Variants in KCNQ1 observed in about 807,000 individuals in gnomAD.
The protein encoded by KCNQ1 is potassium voltage-gated channel subfamily KQT member 1.
A neutral mutation model predicts 72.4 loss-of-function variants in KCNQ1; 49 were observed. That is an observed-to-expected ratio of 0.68 (90% CI 0.54 to 0.86). KCNQ1 has a LOEUF of 0.86. Ranked by LOEUF, KCNQ1 falls within the 40% of genes least tolerant of loss-of-function variation. The pLI is 0.00. For synonymous variants in KCNQ1, 450 were observed against 412.6 expected (o/e 1.09, Z -1.10); for missense variants, 790 against 945.1 (o/e 0.84, Z 2.15).
rs760496174 is a variant in KCNQ1 at position 2,445,424 on chromosome 11, G to T, written c.326G>T (p.Arg109Leu). 3 of 1,597,730 alleles carry T rather than the reference G, an allele frequency of 1.9e-6. No homozygotes were observed. The highest frequency in any genetic ancestry group is 2.5e-6 in the Non-Finnish European group (3 of 1,179,724). The change falls in exon 1 of 16, where the codon CGC becomes CTC. Residue 109 changes from arginine to leucine, a missense_variant. This residue lies in a region of KCNQ1 where 294 missense variants were observed against 323.3 expected (regional missense o/e 0.91). Transcript: ENST00000155840. ...TTGGCGCGCACCCACGTCCAGGGCC[G>T]CGTCTACAACTTCCTCGAGCGTCCC... The part of the protein sequence containing the change: ...PVLARTHVQG[R>L]VYNFLERPTG...
At chr11:2,557,206 C>T (rs923057971) in intron 2 of KCNQ1, among the ~76,000 whole-genome samples, 1 of 152,060 alleles carries the variant, frequency 6.6e-6, no homozygotes, top group Non-Finnish European at 1.5e-5. Context: ...ACACTGAAGC[C>T]CAAACAAGAC....
rs1428274081 is a variant in KCNQ1 at position 2,595,560 on chromosome 11, C to T, written c.1393+6706C>T. ...GAAGCAACAAAGCCCGATGACAGTA[C>T]ATCTGTTGACAACATGGTTTACTGA... On this transcript the variant is annotated intron_variant, in intron 10 of 15. Coordinates refer to ENST00000155840, the MANE Select transcript of KCNQ1 (RefSeq NM_000218.3). This position sits in a 1 kb window ranked among gnomAD's most constrained non-coding sequence, Gnocchi z 5.0. Among the ~76,000 whole-genome samples, 4 of 152,172 alleles carry T rather than the reference C, an allele frequency of 2.6e-5. No homozygotes were observed. Among genetic ancestry groups the T allele is most frequent in the Non-Finnish European group, 4.4e-5 (3 of 68,030 alleles).
At chr11:2,838,900 G>A (rs893563502) in intron 15 of KCNQ1, among the ~76,000 whole-genome samples, 2 of 152,142 alleles carry the variant, frequency 1.3e-5, no homozygotes, top group African/African-American at 2.4e-5. Context: ...TGGGGCCTGT[G>A]CCCACCGCCA....
rs1846886371 is a variant in KCNQ1, at chr11:2,494,959, C to T, written c.387-32969C>T. Among the ~76,000 whole-genome samples, 3 of 152,208 alleles carry T rather than the reference C, an allele frequency of 2.0e-5. No homozygotes were observed. The highest frequency in any genetic ancestry group is 1.9e-4 in the East Asian group (1 of 5,188). ...CTCTGGTAGAATTTGGGTGTGAATC[C>T]GTCTGGTCCTGGGCTTTTTTTGGTT... is the stretch of plus-strand genomic sequence containing the variant. On this transcript the variant is annotated intron_variant, in intron 1 of 15. Coordinates refer to ENST00000155840, the MANE Select transcript of KCNQ1 (RefSeq NM_000218.3). The surrounding 1 kb of genome is among the most constrained non-coding windows in gnomAD (Gnocchi z 4.6).
At chr11:2,521,074 C>T (rs1341615293) in intron 1 of KCNQ1, among the ~76,000 whole-genome samples, 3 of 152,022 alleles carry the variant, frequency 2.0e-5, no homozygotes, top group Non-Finnish European at 2.9e-5. Context: ...ATAAAATACA[C>T]ATAACACACA....
chr11:2,530,730 T>C (rs1408432977), intron 2 of KCNQ1, among the ~76,000 whole-genome samples: 1 of 152,218 alleles, frequency 6.6e-6, no homozygotes, highest in East Asian at 1.9e-4. Context: ...TCTGAGCGTG[T>C]ACATGTGTGA....
chr11:2,817,211 T>C lies in KCNQ1; in HGVS notation c.1795-30556T>C, dbSNP rs1847633138. Among the ~76,000 whole-genome samples the C allele has an allele frequency of 6.6e-6, 1 of 152,260 alleles. No homozygotes were observed. The highest frequency in any genetic ancestry group is 2.4e-5 in the African/African-American group (1 of 41,470). On this transcript the variant is annotated intron_variant, in intron 15 of 15. Coordinates refer to ENST00000155840, the MANE Select transcript of KCNQ1 (RefSeq NM_000218.3). The surrounding 1 kb of genome is among the most constrained non-coding windows in gnomAD (Gnocchi z 6.1). ...AAGCTCCTCACGGCACCAGTGCGCT[T>C]GCCTTTGACATGAAAATGTTTTTGC...
chr11:2,635,486 G>A (rs1849448762), intron 10 of KCNQ1: 1 of 152,164 alleles, frequency 6.6e-6, no homozygotes, highest in African/African-American at 2.4e-5. Context: ...AAGATCAGAT[G>A]ATTGTAGATG....
chr11:2,759,977 G>A lies in KCNQ1; in HGVS notation c.1515-8867G>A, dbSNP rs1249684199. ...GGAGGCCAGGCCGCTGAGCTGCTGG[G>A]AATCTGTTCCACAGGTGGGAAGGTC... On this transcript the variant is annotated intron_variant, in intron 11 of 15. Transcript: ENST00000155840. This position sits in a 1 kb window ranked among gnomAD's most constrained non-coding sequence, Gnocchi z 4.4. 5.3e-5 allele frequency among the ~76,000 whole-genome samples: 8 copies of A among 152,224 alleles called. No homozygotes were observed. The highest frequency in any genetic ancestry group is 9.7e-5 in the African/African-American group (4 of 41,446).
intron 15 of KCNQ1, among the ~76,000 whole-genome samples, chr11:2,792,115 C>T (rs61869763): frequency 0.077 from 11,789 of 152,238 alleles, 619 homozygotes; most frequent in East Asian, 0.18. Flanking sequence ...CATGCCTTCC[C>T]GGGTCCCTCC....
At chr11:2,694,047 G>A in intron 11 of KCNQ1, 1 of 398,716 alleles carries the variant, frequency 2.5e-6, no homozygotes, top group East Asian at 3.6e-5. Context: ...GCCATAGATG[G>A]CTGAGGGACG....
In KCNQ1 at chr11:2,595,514, A is replaced by C. The variant is rs1589973047; in HGVS notation, c.1393+6660A>C. Among the ~76,000 whole-genome samples the C allele has an allele frequency of 6.6e-6, 1 of 152,188 alleles. No homozygotes were observed. Among genetic ancestry groups the C allele is most frequent in the East Asian group, 1.9e-4 (1 of 5,168 alleles). The stretch of plus-strand genomic sequence containing the variant: ...GGCCCTTAAGAATTATGCTAAATCT[A>C]CTCTGCTTATGCTCTATAATGAAGC... On this transcript the variant is annotated intron_variant, in intron 10 of 15. Transcript: ENST00000155840. The surrounding 1 kb of genome is among the most constrained non-coding windows in gnomAD (Gnocchi z 5.0).
intron 10 of KCNQ1, chr11:2,630,121 T>A (rs1033449757): frequency 3.0e-5 from 12 of 398,264 alleles, no homozygotes; most frequent in Non-Finnish European, 4.4e-5. Flanking sequence ...ATAGTTTTTA[T>A]CATGGAAGGA....
intron 2 of KCNQ1, among the ~76,000 whole-genome samples, chr11:2,555,426 G>A (rs912776067): frequency 3.3e-5 from 5 of 152,334 alleles, no homozygotes; most frequent in Admixed American, 2.6e-4. Context: ...GCCTGGAGAC[G>A]GAAACAGCCC....
In KCNQ1 at chr11:2,536,946, T is replaced by TC. The variant is rs2133669119; in HGVS notation, c.477+8929dup. Among the ~76,000 whole-genome samples the TC allele has an allele frequency of 6.6e-6, 1 of 151,818 alleles. No homozygotes were observed. The highest frequency in any genetic ancestry group is 2.1e-4 in the South Asian group (1 of 4,798). ...ATCCCCCCCAGTCCCTCCCTTTACC[T>TC]CACAGGGCATCCTCCCTGCGTGTGA... On this transcript the variant is annotated intron_variant, in intron 2 of 15. Coordinates refer to ENST00000155840, the MANE Select transcript of KCNQ1 (RefSeq NM_000218.3). This position sits in a 1 kb window ranked among gnomAD's most constrained non-coding sequence, Gnocchi z 7.4.
intron 10 of KCNQ1, among the ~76,000 whole-genome samples, chr11:2,594,937 C>A (rs1848714960): frequency 6.6e-6 from 1 of 152,146 alleles, no homozygotes; most frequent in African/African-American, 2.4e-5. Context: ...CAATTTAGAT[C>A]ATGAGTTTGT....
rs1847883953 is a variant in KCNQ1 at position 2,828,502 on chromosome 11, T to C, written c.1795-19265T>C. 6.6e-6 allele frequency among the ~76,000 whole-genome samples: 1 copy of C among 152,020 alleles called. No homozygotes were observed. The highest frequency in any genetic ancestry group is 1.5e-5 in the Non-Finnish European group (1 of 67,992). On this transcript the variant is annotated intron_variant, in intron 15 of 15. Transcript: ENST00000155840. The surrounding 1 kb of genome is among the most constrained non-coding windows in gnomAD (Gnocchi z 5.3). Reference sequence around the variant, plus strand: ...ACAGATGGAGACTGGCCTAGGAGACTGGAGAGGGTAGACACCAAGCCCTGC... The same window carrying C: ...ACAGATGGAGACTGGCCTAGGAGACCGGAGAGGGTAGACACCAAGCCCTGC...
At chr11:2,738,341 G>T (rs566515903) in intron 11 of KCNQ1, among the ~76,000 whole-genome samples, 1 of 151,950 alleles carries the variant, frequency 6.6e-6, no homozygotes, top group Non-Finnish European at 1.5e-5. Flanking sequence ...ATCAAGGAAG[G>T]CTCTCTGAGG....
intron 2 of KCNQ1, among the ~76,000 whole-genome samples, chr11:2,555,080 C>T (rs1848048872): frequency 6.6e-6 from 1 of 152,160 alleles, no homozygotes; most frequent in Non-Finnish European, 1.5e-5. Context: ...TGCGCGGGCC[C>T]CTGAAGGGCC....
Sources: allele counts gnomAD v4.1 joint callset (sites outside exome capture counted in the v4.1 genomes callset), GRCh38; gene constraint gnomAD v4.1.1; regional missense constraint gnomAD v4.1.1; non-coding constraint Gnocchi (gnomAD v3.1); transcripts MANE v1.5; gene names NCBI Gene and HGNC (gene_info 2026-07-23, HGNC 2026-07-21).